Variants in PRKN observed in about 807,000 individuals in gnomAD.
PRKN encodes the protein E3 ubiquitin-protein ligase parkin.
PRKN carries 56 observed loss-of-function variants against 59.5 expected under a neutral mutation model. The observed-to-expected ratio is 0.94, with a 90% CI of 0.76 to 1.18. The LOEUF (loss-of-function observed/expected upper bound fraction) is 1.18, where lower values mean the gene tolerates loss of function less well. PRKN is among the 50% of genes most tolerant of loss of function. PRKN has a pLI of 0.00. For missense variants in PRKN, 657 were observed against 596.4 expected (o/e 1.10, Z -1.06); for synonymous variants, 250 against 222.1 (o/e 1.13, Z -1.12).
intron 7 of PRKN, among the ~76,000 whole-genome samples, chr6:161,629,740 T>C (rs1783227714): frequency 6.6e-6 from 1 of 152,162 alleles, no homozygotes; most frequent in South Asian, 2.1e-4. Context: ...GCCAATTTGA[T>C]CTTCAGGAAG....
rs1257908873 is a variant in PRKN, at chr6:161,388,488, AGAG to A, written c.1084-1614_1084-1612del. 1.3e-5 allele frequency among the ~76,000 whole-genome samples: 2 copies of A among 152,226 alleles called. No individual in the cohort carries two copies. The highest frequency in any genetic ancestry group is 2.9e-5 in the Non-Finnish European group (2 of 68,034). On this transcript the variant is annotated intron_variant, in intron 9 of 11. Coordinates refer to ENST00000366898, the MANE Select transcript of PRKN (RefSeq NM_004562.3). The surrounding 1 kb of genome is among the most constrained non-coding windows in gnomAD (Gnocchi z 4.3). The stretch of plus-strand genomic sequence containing the variant: ...CTGTATTCAGAGAAGGCATTTCAGC[AGAG>A]GAGAGAGTGCCATCCACAAGTATGG...
At chr6:161,853,662 T>A (rs1354122629) in intron 6 of PRKN, among the ~76,000 whole-genome samples, 1 of 152,194 alleles carries the variant, frequency 6.6e-6, no homozygotes, top group Admixed American at 6.5e-5. Flanking sequence ...CTGAAATGAA[T>A]TCCTTTGGAA....
chr6:161,792,725 A>C (rs1351769786), intron 6 of PRKN, among the ~76,000 whole-genome samples: 2 of 152,200 alleles, frequency 1.3e-5, no homozygotes, highest in Admixed American at 6.5e-5. Flanking sequence ...CCCAGTTAGC[A>C]ATCTTTCAAA....
chr6:162,504,186 G>A (rs1247367399), intron 1 of PRKN, among the ~76,000 whole-genome samples: 3 of 152,150 alleles, frequency 2.0e-5, no homozygotes, highest in African/African-American at 7.2e-5. Context: ...AGCTGACTCC[G>A]CATCAGCCTA....
chr6:161,530,489 C>T lies in PRKN; in HGVS notation c.1083+18365G>A, dbSNP rs145087349. On this transcript the variant is annotated intron_variant, in intron 9 of 11. Coordinates refer to ENST00000366898, the MANE Select transcript of PRKN (RefSeq NM_004562.3). This position sits in a 1 kb window ranked among gnomAD's most constrained non-coding sequence, Gnocchi z 5.0. Reference sequence around the variant, plus strand: ...CAGCCTCATTCCGTGTCGAAGAAGACCTATACGGCTTGCTTCTTTTTTTCT... The same window carrying T: ...CAGCCTCATTCCGTGTCGAAGAAGATCTATACGGCTTGCTTCTTTTTTTCT... 8.5e-5 allele frequency among the ~76,000 whole-genome samples: 13 copies of T among 152,128 alleles called. No individual in the cohort carries two copies. Among genetic ancestry groups the T allele is most frequent in the Admixed American group, 4.6e-4 (7 of 15,266 alleles).
At chr6:161,824,666 A>G (rs1280122315) in intron 6 of PRKN, among the ~76,000 whole-genome samples, 1 of 152,240 alleles carries the variant, frequency 6.6e-6, no homozygotes, top group Non-Finnish European at 1.5e-5. Context: ...GCTATATTCC[A>G]GTGACTAAAT....
chr6:161,840,220 C>G (rs1175839863), intron 6 of PRKN, among the ~76,000 whole-genome samples: 1 of 152,198 alleles, frequency 6.6e-6, no homozygotes. Flanking sequence ...CAGATAGTGT[C>G]ATTACAGAGG....
intron 7 of PRKN, among the ~76,000 whole-genome samples, chr6:161,746,551 A>C (rs1788420747): frequency 6.9e-6 from 1 of 145,840 alleles, no homozygotes; most frequent in African/African-American, 2.5e-5. Context: ...ACATTTATCT[A>C]TTTTTTTATA....
At chr6:162,291,071 A>G (rs1348329782) in intron 2 of PRKN, among the ~76,000 whole-genome samples, 1 of 152,208 alleles carries the variant, frequency 6.6e-6, no homozygotes, top group African/African-American at 2.4e-5. Flanking sequence ...GCAGAGAATC[A>G]GGAAAACAGC....
intron 1 of PRKN, among the ~76,000 whole-genome samples, chr6:162,673,667 T>A (rs915744804): frequency 6.6e-6 from 1 of 152,146 alleles, no homozygotes; most frequent in Non-Finnish European, 1.5e-5. Flanking sequence ...ATTACAGGCG[T>A]GAGCCAACAC....
chr6:162,136,999 T>C (rs1211650908), intron 4 of PRKN, among the ~76,000 whole-genome samples: 1 of 151,856 alleles, frequency 6.6e-6, no homozygotes, highest in Non-Finnish European at 1.5e-5. Context: ...TGGGCAGATG[T>C]ATAAAGAGGA....
chr6:161,652,246 G>A (rs7761957), intron 7 of PRKN, among the ~76,000 whole-genome samples: 76,077 of 152,074 alleles, frequency 0.5, 21,959 homozygotes, highest in African/African-American at 0.81. Context: ...AGGGCTATTT[G>A]TATAAAAGAA....
At chr6:162,158,079 G>A (rs2849603) in intron 4 of PRKN, among the ~76,000 whole-genome samples, 142,276 of 151,782 alleles carry the variant, frequency 0.94, 67,276 homozygotes, top group Non-Finnish European at 1. Flanking sequence ...TTGTCAGGGT[G>A]CGATAAGTTT....
intron 2 of PRKN, among the ~76,000 whole-genome samples, chr6:162,263,596 A>T (rs1779995326): frequency 1.3e-5 from 2 of 152,190 alleles, no homozygotes; most frequent in Admixed American, 6.5e-5. Context: ...ATAAAAATTA[A>T]AAGTCAGATT....
At chr6:162,249,320 C>A (rs1406852220) in intron 3 of PRKN, among the ~76,000 whole-genome samples, 1 of 152,212 alleles carries the variant, frequency 6.6e-6, no homozygotes, top group Middle Eastern at 3.2e-3. Context: ...TTGTTCTCAT[C>A]TTACCAGGAT....
intron 1 of PRKN, among the ~76,000 whole-genome samples, chr6:162,673,301 C>G (rs1779406020): frequency 6.6e-6 from 1 of 151,964 alleles, no homozygotes; most frequent in Non-Finnish European, 1.5e-5. Flanking sequence ...ACACGGTCAA[C>G]AAGTACTTAA....
intron 2 of PRKN, among the ~76,000 whole-genome samples, chr6:162,377,692 G>A (rs369744554): frequency 3.9e-5 from 6 of 152,266 alleles, no homozygotes; most frequent in Admixed American, 3.3e-4. Context: ...GCCAGCACTG[G>A]GACAGGCATG....
At chr6:161,775,985 C>CA (rs1294477305) in intron 7 of PRKN, among the ~76,000 whole-genome samples, 4 of 152,084 alleles carry the variant, frequency 2.6e-5, no homozygotes, top group Non-Finnish European at 4.4e-5. Flanking sequence ...ACAGTAAAAA[C>CA]AAAAAACAAA....
At chr6:161,866,999 G>C (rs1206885201) in intron 6 of PRKN, among the ~76,000 whole-genome samples, 1 of 152,176 alleles carries the variant, frequency 6.6e-6, no homozygotes, top group Non-Finnish European at 1.5e-5. Flanking sequence ...CTATTAGCTG[G>C]TGACTCAAGC....
Sources: gnomAD v4.1 joint callset for allele counts (sites outside exome capture counted in the v4.1 genomes callset) on GRCh38, gnomAD v4.1.1 for gene constraint, Gnocchi (gnomAD v3.1) non-coding constraint, MANE v1.5 for transcripts, NCBI Gene and HGNC (gene_info 2026-07-23, HGNC 2026-07-21) for gene names.